The following XXYLT1 variants were observed in gnomAD, a reference collection of about 807,000 sequenced individuals.
XXYLT1 encodes the protein xyloside xylosyltransferase 1.
Under a neutral mutation model 28.9 loss-of-function variants are expected in XXYLT1, and 20 were observed. The observed-to-expected ratio is 0.69, with a 90% CI of 0.49 to 1.00. The LOEUF is 1.00. Ranked by LOEUF, XXYLT1 falls within the 50% of genes least tolerant of loss-of-function variation. The pLI, the probability that XXYLT1 is intolerant of heterozygous loss-of-function variation, is 0.00. For synonymous variants in XXYLT1, 257 were observed against 253.8 expected, an observed-to-expected ratio of 1.01 and a Z score of -0.12; for missense variants, 542 against 560.1, an observed-to-expected ratio of 0.97 and a Z score of 0.33.
At chr3:195,218,857 C>G (rs1424025453) in intron 2 of XXYLT1, among the ~76,000 whole-genome samples, 2 of 152,094 alleles carry the variant, frequency 1.3e-5, no homozygotes, top group Non-Finnish European at 2.9e-5. Context: ...TATAAAGACA[C>G]ACGCACCCGT....
chr3:195,268,837 C>A (rs1308197076), intron 1 of XXYLT1, among the ~76,000 whole-genome samples: 1 of 152,130 alleles, frequency 6.6e-6, no homozygotes, highest in East Asian at 1.9e-4. Flanking sequence ...ACAGGAGGGG[C>A]TCGGCCCTGA....
chr3:195,149,764 A>G (rs1200071867), intron 3 of XXYLT1, among the ~76,000 whole-genome samples: 2 of 152,208 alleles, frequency 1.3e-5, no homozygotes, highest in East Asian at 3.8e-4. Context: ...TCTGTTTTGC[A>G]AATACCTTAC....
At chr3:195,086,482 C>T (rs760736714) in intron 3 of XXYLT1, among the ~76,000 whole-genome samples, 34 of 152,354 alleles carry the variant, frequency 2.2e-4, no homozygotes, top group South Asian at 4.1e-4. Context: ...GGGGAGAAGT[C>T]TATCCAGTTG....
chr3:195,217,694 C>T (rs1398016938), intron 2 of XXYLT1, among the ~76,000 whole-genome samples: 1 of 151,744 alleles, frequency 6.6e-6, no homozygotes, highest in Admixed American at 6.6e-5. Flanking sequence ...ACATGCCATG[C>T]TCATGGGTAG....
intron 3 of XXYLT1, among the ~76,000 whole-genome samples, chr3:195,075,017 C>T (rs539183482): frequency 7.9e-5 from 12 of 152,252 alleles, no homozygotes; most frequent in African/African-American, 2.6e-4. Context: ...TTTGGGAGGC[C>T]GAGGTGGGCG....
Position 195,210,374 on chromosome 3 carries a change from G to A in XXYLT1, c.652+16335C>T, listed in dbSNP as rs558098260. ...GCTCCCCAAGGGCAGGACTGCTGTC[G>A]TGCCCCAGTGCCCTGAACACAGTGG... On this transcript the variant is annotated intron_variant, in intron 2 of 3. Coordinates refer to ENST00000310380, the MANE Select transcript of XXYLT1 (RefSeq NM_152531.5). This position sits in a 1 kb window ranked among gnomAD's most constrained non-coding sequence, Gnocchi z 4.8. Among the ~76,000 whole-genome samples, 15 of 152,298 alleles carry A rather than the reference G, an allele frequency of 9.8e-5. 1 individual carries two copies. In the East Asian group the frequency reaches 1.9e-3, roughly 20 times the overall value.
chr3:195,175,661 G>C (rs556454164), intron 2 of XXYLT1: 1 of 1,536,162 alleles, frequency 6.5e-7, no homozygotes, highest in East Asian at 2.4e-5. Context: ...TCCTTGCAGC[G>C]AGGTGGCCAC....
At chr3:195,185,085 A>AGAAAG (rs1434255998) in intron 2 of XXYLT1, among the ~76,000 whole-genome samples, 1,290 of 100,976 alleles carry the variant, frequency 0.013, 49 homozygotes, top group African/African-American at 0.037. Context: ...GAAAGAAGGA[A>AGAAAG]GAAGGAAGGA....
chr3:195,264,119 G>C lies in XXYLT1; in HGVS notation c.504+6436C>G, dbSNP rs78826660. 5.0e-3 allele frequency among the ~76,000 whole-genome samples: 764 copies of C among 152,322 alleles called. 5 individuals are homozygous for C. The highest frequency in any genetic ancestry group is 0.017 in the African/African-American group (727 of 41,576). ...AGGGAGGCAAGCAGCTGCCAGAGCT[G>C]TCTGTGCCTCCAGAAGTCTGTCCAG... On this transcript the variant is annotated intron_variant, in intron 1 of 3. Transcript: ENST00000310380.
intron 3 of XXYLT1, among the ~76,000 whole-genome samples, chr3:195,141,602 G>T (rs1030723863): frequency 6.6e-6 from 1 of 152,160 alleles, no homozygotes; most frequent in African/African-American, 2.4e-5. Flanking sequence ...CCAAAATGAG[G>T]CCACACTCTT....
chr3:195,192,180 T>C (rs988694065), intron 2 of XXYLT1, among the ~76,000 whole-genome samples: 11 of 152,202 alleles, frequency 7.2e-5, no homozygotes, highest in African/African-American at 2.7e-4. Context: ...TCTAGCACTT[T>C]GGGAGGCTGA....
At chr3:195,081,000 C>T (rs911195171) in intron 3 of XXYLT1, among the ~76,000 whole-genome samples, 16 of 152,226 alleles carry the variant, frequency 1.1e-4, no homozygotes, top group Non-Finnish European at 2.2e-4. Context: ...CGCTGTCCTA[C>T]ACAATGTGGC....
intron 3 of XXYLT1, among the ~76,000 whole-genome samples, chr3:195,097,426 G>A (rs373822430): frequency 1.8e-3 from 279 of 152,302 alleles, no homozygotes; most frequent in Middle Eastern, 0.017. Flanking sequence ...CAGCAAATGC[G>A]TATCAACACG....
chr3:195,190,987 A>G (rs77000845), intron 2 of XXYLT1, among the ~76,000 whole-genome samples: 2,052 of 152,330 alleles, frequency 0.013, 46 homozygotes, highest in African/African-American at 0.047. Context: ...ACAGAGGTAC[A>G]AAAAAGAAGG....
intron 3 of XXYLT1, among the ~76,000 whole-genome samples, chr3:195,153,253 GTCT>G (rs1489610005): frequency 6.6e-6 from 1 of 152,210 alleles, no homozygotes; most frequent in East Asian, 1.9e-4. Context: ...GAGGTCCCCA[GTCT>G]TCTTGTGAAA....
Position 195,178,892 on chromosome 3 carries a change from A to G in XXYLT1, c.653-22311T>C, listed in dbSNP as rs1163931317. Among the ~76,000 whole-genome samples the G allele has an allele frequency of 2.0e-5, 3 of 152,370 alleles. No individual in the cohort carries two copies. In the East Asian group the frequency reaches 5.8e-4, roughly 29 times the overall value. Reference sequence around the variant, plus strand: ...ATCGAGAGCTGAAGCATCAAGAGATAAAAGCAGGTTTTGGAAAACATAAGA... The same window carrying G: ...ATCGAGAGCTGAAGCATCAAGAGATGAAAGCAGGTTTTGGAAAACATAAGA... On this transcript the variant is annotated intron_variant, in intron 2 of 3. Transcript: ENST00000310380.
chr3:195,249,411 C>CCAGGCGCATGGCACGTGA (rs1201212521), intron 1 of XXYLT1, among the ~76,000 whole-genome samples: 1 of 152,208 alleles, frequency 6.6e-6, no homozygotes, highest in Non-Finnish European at 1.5e-5. Flanking sequence ...GCGGCTCACA[C>CCAGGCGCATGGCACGTGA]CAGGCGCATG....
chr3:195,114,068 T>C (rs1347761163), intron 3 of XXYLT1, among the ~76,000 whole-genome samples: 1 of 152,208 alleles, frequency 6.6e-6, no homozygotes, highest in Non-Finnish European at 1.5e-5. Context: ...CACAAACGCC[T>C]TGAGTGCCAG....
Position 195,180,539 on chromosome 3 carries a change from A to G in XXYLT1, c.653-23958T>C, listed in dbSNP as rs1263285690. The G allele has an allele frequency of 1.0e-6, 1 of 985,522 alleles. No individual in the cohort carries two copies. The highest frequency in any genetic ancestry group is 1.2e-6 in the Non-Finnish European group (1 of 829,978). The allele number at this position is 985,522 out of a possible 1,614,324, so 61.0% of individuals were successfully genotyped here. ...CCCTTGAAAAGAAGCAAACAAACAG[A>G]TAAGGGTCAGCATCTGAGGCCAGAC... On this transcript the variant is annotated intron_variant, in intron 2 of 3. Coordinates refer to ENST00000310380, the MANE Select transcript of XXYLT1 (RefSeq NM_152531.5). The surrounding 1 kb of genome is among the most constrained non-coding windows in gnomAD (Gnocchi z 5.8).
Sources: allele counts gnomAD v4.1 joint callset (sites outside exome capture counted in the v4.1 genomes callset), GRCh38; gene constraint gnomAD v4.1.1; non-coding constraint Gnocchi (gnomAD v3.1); transcripts MANE v1.5; gene names NCBI Gene and HGNC (gene_info 2026-07-23, HGNC 2026-07-21).